The following NDUFS4 variants were observed in gnomAD, a reference collection of about 807,000 sequenced individuals.
NDUFS4 encodes NADH dehydrogenase [ubiquinone] iron-sulfur protein 4, mitochondrial.
NDUFS4 carries 28 observed loss-of-function variants against 24.3 expected under a neutral mutation model. The ratio of observed to expected loss-of-function variants is 1.15; its 90% CI spans 0.85 to 1.58. The LOEUF is 1.58. NDUFS4 is among the 40% of genes most tolerant of loss of function. The pLI is 0.00. For missense variants in NDUFS4, 223 were observed against 207.9 expected (o/e 1.07, Z -0.45); for synonymous variants, 93 against 69.7 (o/e 1.34, Z -1.67).
intron 3 of NDUFS4, among the ~76,000 whole-genome samples, chr5:53,650,451 G>A (rs1202629125): frequency 6.6e-6 from 1 of 152,112 alleles, no homozygotes; most frequent in East Asian, 1.9e-4. Context: ...TGTATTTTTG[G>A]GCTTAGTTTT....
At chr5:53,659,724 C>T (rs370594) in intron 4 of NDUFS4, among the ~76,000 whole-genome samples, 120,760 of 152,116 alleles carry the variant, frequency 0.79, 48,186 homozygotes, top group African/African-American at 0.87. Flanking sequence ...TCTAACATTA[C>T]CTGAAATACA....
intron 2 of NDUFS4, among the ~76,000 whole-genome samples, chr5:53,617,777 A>G (rs1285559256): frequency 6.6e-6 from 1 of 152,192 alleles, no homozygotes; most frequent in African/African-American, 2.4e-5. Context: ...TTATTACATT[A>G]TTTGAAATGT....
intron 2 of NDUFS4, among the ~76,000 whole-genome samples, chr5:53,618,217 G>A (rs1750913886): frequency 6.6e-6 from 1 of 152,176 alleles, no homozygotes; most frequent in Non-Finnish European, 1.5e-5. Context: ...TGAGGTTGCA[G>A]TGAGGCGTGA....
At chr5:53,655,734 T>C (rs531520384) in intron 3 of NDUFS4, among the ~76,000 whole-genome samples, 2 of 152,362 alleles carry the variant, frequency 1.3e-5, no homozygotes, top group East Asian at 3.9e-4. Context: ...AAATTACTGA[T>C]AGATCCACCT....
intron 1 of NDUFS4, among the ~76,000 whole-genome samples, chr5:53,583,773 A>T (rs954773508): frequency 6.6e-6 from 1 of 152,174 alleles, no homozygotes; most frequent in Non-Finnish European, 1.5e-5. Flanking sequence ...CACTGGTGGG[A>T]GTAAATTTGG....
At chr5:53,613,277 A>G (rs1300059563) in intron 2 of NDUFS4, among the ~76,000 whole-genome samples, 1 of 152,038 alleles carries the variant, frequency 6.6e-6, no homozygotes, top group Non-Finnish European at 1.5e-5. Context: ...CTTGTGCAAA[A>G]ATTTCAAGGC....
chr5:53,672,685 G>A (rs527818802), intron 4 of NDUFS4, among the ~76,000 whole-genome samples: 2 of 151,914 alleles, frequency 1.3e-5, no homozygotes, highest in East Asian at 3.9e-4. Flanking sequence ...AAATAACATT[G>A]GTATGATATT....
chr5:53,584,855 C>T (rs958159731), intron 1 of NDUFS4, among the ~76,000 whole-genome samples: 5 of 151,990 alleles, frequency 3.3e-5, no homozygotes, highest in Non-Finnish European at 7.4e-5. Flanking sequence ...GCATCCTCTG[C>T]CTCCTGGGTT....
chr5:53,600,458 C>T (rs891578419), intron 1 of NDUFS4, among the ~76,000 whole-genome samples: 1 of 151,694 alleles, frequency 6.6e-6, no homozygotes, highest in South Asian at 2.1e-4. Context: ...ACAGGCATGC[C>T]CCACCAAGCC....
intron 3 of NDUFS4, among the ~76,000 whole-genome samples, chr5:53,648,030 G>T (rs566133721): frequency 6.6e-6 from 1 of 152,282 alleles, no homozygotes; most frequent in East Asian, 1.9e-4. Context: ...CTACAAATTT[G>T]TTATAAGATT....
chr5:53,591,089 G>A (rs1350023910), intron 1 of NDUFS4, among the ~76,000 whole-genome samples: 1 of 152,074 alleles, frequency 6.6e-6, no homozygotes, highest in East Asian at 1.9e-4. Flanking sequence ...TTCTTCCATG[G>A]TGTAGCATAT....
At chr5:53,629,045 T>G (rs1751317300) in intron 2 of NDUFS4, among the ~76,000 whole-genome samples, 1 of 152,216 alleles carries the variant, frequency 6.6e-6, no homozygotes, top group South Asian at 2.1e-4. Flanking sequence ...TACACACTGC[T>G]TTAAATGTGT....
At chr5:53,570,086 A>G (rs920519563) in intron 1 of NDUFS4, among the ~76,000 whole-genome samples, 2 of 152,334 alleles carry the variant, frequency 1.3e-5, no homozygotes, top group South Asian at 2.1e-4. Flanking sequence ...CCATAATCCT[A>G]GTACAGAATA....
chr5:53,603,360 A>C, intron 1 of NDUFS4, 92 bp from the exon 2 acceptor site: 5 of 818,520 alleles, frequency 6.1e-6, no homozygotes, highest in Non-Finnish European at 8.0e-6. Flanking sequence ...TTAATAAGAC[A>C]GATATTGTTA....
At chr5:53,627,021 AC>A (rs113137803) in intron 2 of NDUFS4, among the ~76,000 whole-genome samples, 65,602 of 151,958 alleles carry the variant, frequency 0.43, 14,820 homozygotes, top group Admixed American at 0.51. Flanking sequence ...TTTAGGTCTT[AC>A]ATTTAAGTCT....
chr5:53,616,031 T>A (rs955356526), intron 2 of NDUFS4, among the ~76,000 whole-genome samples: 1 of 151,934 alleles, frequency 6.6e-6, no homozygotes, highest in African/African-American at 2.4e-5. Context: ...GTATGCATTA[T>A]AATATCTTAA....
intron 1 of NDUFS4, among the ~76,000 whole-genome samples, chr5:53,562,059 A>C (rs1320800213): frequency 6.6e-6 from 1 of 151,714 alleles, no homozygotes; most frequent in East Asian, 1.9e-4. Context: ...GCTGTAGTGC[A>C]ATGGCGTGAT....
At chr5:53,590,694 G>T (rs1337448255) in intron 1 of NDUFS4, among the ~76,000 whole-genome samples, 2 of 152,070 alleles carry the variant, frequency 1.3e-5, no homozygotes, top group Non-Finnish European at 2.9e-5. Context: ...ACAAACTTTT[G>T]CATATGTGTC....
chr5:53,598,082 C>A (rs1750184132), intron 1 of NDUFS4, among the ~76,000 whole-genome samples: 1 of 152,154 alleles, frequency 6.6e-6, no homozygotes, highest in African/African-American at 2.4e-5. Flanking sequence ...AGAACGACTG[C>A]AATCCAAAAT....
Sources: gnomAD v4.1 joint callset for allele counts (sites outside exome capture counted in the v4.1 genomes callset) on GRCh38, gnomAD v4.1.1 for gene constraint, MANE v1.5 for transcripts, NCBI Gene and HGNC (gene_info 2026-07-23, HGNC 2026-07-21) for gene names.